MLLT11: variants seen among roughly 807,000 people sequenced by gnomAD.
MLLT11 encodes protein AF1q.
A neutral mutation model predicts 5.3 loss-of-function variants in MLLT11; 1 was observed. That is an observed-to-expected ratio of 0.19 (90% CI 0.07 to 0.89). The LOEUF is 0.89. Among genes scored for constraint, MLLT11 ranks in the 40% least tolerant of loss-of-function variants. The pLI is 0.67. For missense variants in MLLT11, 87 were observed against 107.3 expected (o/e 0.81, Z 0.83); for synonymous variants, 38 against 41.7 (o/e 0.91, Z 0.34).
intron 1 of MLLT11, 87 bp from the exon 2 acceptor site, chr1:151,067,132 C>A: frequency 9.7e-7 from 1 of 1,030,668 alleles, no homozygotes; most frequent in African/African-American, 1.6e-5. Context: ...TCCTTTTTAC[C>A]AGTATGTGGA....
Position 151,068,937 on chromosome 1 carries a change from A to G in MLLT11, c.*1440A>G, listed in dbSNP as rs1676517408. Among the ~76,000 whole-genome samples the G allele has an allele frequency of 6.6e-6, 1 of 152,206 alleles. No individual in the cohort carries two copies. The highest frequency in any genetic ancestry group is 2.1e-4 in the South Asian group (1 of 4,836). Reference sequence around the variant, plus strand: ...AACTTAGAGGAAGAATGATTTGAGTAGCATTTAGACATTAGATGGTGAACT... The same window carrying G: ...AACTTAGAGGAAGAATGATTTGAGTGGCATTTAGACATTAGATGGTGAACT... On this transcript the variant is annotated 3_prime_UTR_variant, in exon 2 of 2. Transcript: ENST00000368921.
Position 151,067,341 on chromosome 1 carries a change from G to A in MLLT11, c.117G>A (p.Lys39=). The A allele has an allele frequency of 6.2e-7, 1 of 1,614,128 alleles. No homozygotes were observed. Among genetic ancestry groups the A allele is most frequent in the Non-Finnish European group, 8.5e-7 (1 of 1,180,028 alleles). ...GTCTGTCAGATACAGCCACCTACAAGGTCAAAGACAGCAGCGTTGGCAAAA... is the reference window on the plus strand; with the variant it reads ...GTCTGTCAGATACAGCCACCTACAAAGTCAAAGACAGCAGCGTTGGCAAAA... The part of the protein sequence containing the change: ...GLGLSDTATY[K]VKDSSVGKMI... The change falls in exon 2 of 2, where the codon AAG becomes AAA. Residue 39 remains lysine (K), a synonymous_variant. Transcript: ENST00000368921.
intron 1 of MLLT11, among the ~76,000 whole-genome samples, chr1:151,062,476 C>G (rs1571855915): frequency 1.3e-5 from 2 of 151,866 alleles, no homozygotes; most frequent in African/African-American, 4.8e-5. Flanking sequence ...GATTCTCCTG[C>G]CTCAGCCTCC....
chr1:151,065,004 T>C (rs1043171899), intron 1 of MLLT11, among the ~76,000 whole-genome samples: 3 of 152,194 alleles, frequency 2.0e-5, no homozygotes, highest in Non-Finnish European at 4.4e-5. Flanking sequence ...GATGTAAAGA[T>C]AGATGAAGTA....
intron 1 of MLLT11, among the ~76,000 whole-genome samples, chr1:151,066,046 C>T (rs1179553365): frequency 6.6e-6 from 1 of 151,842 alleles, no homozygotes; most frequent in East Asian, 1.9e-4. Flanking sequence ...TGCCATGTTG[C>T]CCAGGCAGGT....
rs1351182605 is a variant in MLLT11, at chr1:151,068,826, C to A, written c.*1329C>A. Among the ~76,000 whole-genome samples the A allele has an allele frequency of 1.3e-5, 2 of 152,218 alleles. No homozygotes were observed. The highest frequency in any genetic ancestry group is 2.4e-5 in the African/African-American group (1 of 41,462). ...TCTCTAACTCCTGACCTCAGGTGATCTGCCCGCCTTAGCCTCTCAAAGTGC... is the reference window on the plus strand; with the variant it reads ...TCTCTAACTCCTGACCTCAGGTGATATGCCCGCCTTAGCCTCTCAAAGTGC... On this transcript the variant is annotated 3_prime_UTR_variant, in exon 2 of 2. Transcript: ENST00000368921.
chr1:151,063,773 T>C (rs2102980173), intron 1 of MLLT11, among the ~76,000 whole-genome samples: 1 of 152,304 alleles, frequency 6.6e-6, no homozygotes. Context: ...GGGTGGAGGC[T>C]GTAGGCAGCT....
rs749206512 is a variant in MLLT11 at position 151,067,241 on chromosome 1, G to T, written c.17G>T (p.Ser6Ile). 1 of 1,613,878 alleles carries T rather than the reference G, an allele frequency of 6.2e-7. No individual in the cohort carries two copies. The highest frequency in any genetic ancestry group is 1.7e-5 in the Admixed American group (1 of 59,954). Residue 6 changes from serine (S) to isoleucine (I), a missense_variant, in exon 2 of 2, where the codon AGT becomes ATT. By Grantham distance (142) the Ser-to-Ile change is moderately radical (BLOSUM62 -2). Transcript: ENST00000368921. The stretch of plus-strand genomic sequence containing the variant: ...TAGGAAGCTATGAGGGACCCTGTGA[G>T]TAGCCAGTACAGTTCCTTTCTTTTC... MRDPV[S>I]SQYSSFLFWR...
intron 1 of MLLT11, 108 bp from the exon 2 acceptor site, chr1:151,067,111 A>C: frequency 1.1e-6 from 1 of 949,922 alleles, no homozygotes; most frequent in South Asian, 2.0e-5. Context: ...AAAAAAAAAA[A>C]AAAAAGAAAT....
intron 1 of MLLT11, among the ~76,000 whole-genome samples, chr1:151,062,140 A>C (rs965913384): frequency 2.6e-5 from 4 of 152,016 alleles, no homozygotes; most frequent in African/African-American, 9.7e-5. Context: ...TAAACCACGG[A>C]AAATCTATTC....
rs1436357183 is a variant in MLLT11 at position 151,067,999 on chromosome 1, C to T, written c.*502C>T. 2 of 243,874 alleles carry T rather than the reference C, an allele frequency of 8.2e-6. No individual in the cohort carries two copies. The highest frequency in any genetic ancestry group is 2.2e-5 in the African/African-American group (1 of 45,060). 15.1% of individuals were successfully genotyped at this position (243,874 alleles called of 1,614,324 possible). On this transcript the variant is annotated 3_prime_UTR_variant, in exon 2 of 2. Transcript: ENST00000368921. Reference sequence around the variant, plus strand: ...AAAGGCTAAAGTGATAAGTCTCTTGCTTTTTTTTGATCCTGCTCTTATATT... The same window carrying T: ...AAAGGCTAAAGTGATAAGTCTCTTGTTTTTTTTTGATCCTGCTCTTATATT...
chr1:151,061,341 G>A lies in MLLT11; in HGVS notation c.-7+788G>A, dbSNP rs1676404416. 1.3e-5 allele frequency among the ~76,000 whole-genome samples: 2 copies of A among 152,168 alleles called. 1 individual carries two copies. Among genetic ancestry groups the A allele is most frequent in the Admixed American group, 1.3e-4 (2 of 15,268 alleles). Reference sequence around the variant, plus strand: ...CATGGTGGCAGCATGACACAGCAAGGCCCTGTTGAGTAGGCCTTGGATGCC... The same window carrying A: ...CATGGTGGCAGCATGACACAGCAAGACCCTGTTGAGTAGGCCTTGGATGCC... On this transcript the variant is annotated intron_variant, in intron 1 of 1. Coordinates refer to ENST00000368921, the MANE Select transcript of MLLT11 (RefSeq NM_006818.4).
At chr1:151,061,964 G>C (rs941122720) in intron 1 of MLLT11, among the ~76,000 whole-genome samples, 5 of 151,982 alleles carry the variant, frequency 3.3e-5, no homozygotes, top group Non-Finnish European at 7.4e-5. Flanking sequence ...TTGCAAGATA[G>C]CTCTACCAAA....
In MLLT11 at chr1:151,067,755, A is replaced by G. The variant is rs1253304951; in HGVS notation, c.*258A>G. 1.9e-6 allele frequency: 1 copy of G among 525,248 alleles called. No individual in the cohort carries two copies. The highest frequency in any genetic ancestry group is 1.9e-5 in the African/African-American group (1 of 52,552). 32.5% of individuals were successfully genotyped at this position (525,248 alleles called of 1,614,324 possible). A position where few individuals can be genotyped will look rare whatever the true frequency, so the allele number is the denominator to read the frequency against. On this transcript the variant is annotated 3_prime_UTR_variant, in exon 2 of 2. Coordinates refer to ENST00000368921, the MANE Select transcript of MLLT11 (RefSeq NM_006818.4). ...GGGATTCCTCCTTTCCCCCCCAAAT[A>G]TTAACTCCAGAAACTAGGCCTGACT...
At chr1:151,064,046 A>C (rs915187417) in intron 1 of MLLT11, among the ~76,000 whole-genome samples, 10 of 151,082 alleles carry the variant, frequency 6.6e-5, no homozygotes, top group African/African-American at 1.9e-4. Flanking sequence ...TTTGAGATGG[A>C]GTTTCGCTCT....
intron 1 of MLLT11, among the ~76,000 whole-genome samples, chr1:151,065,779 T>C (rs1027343322): frequency 2.9e-4 from 44 of 152,298 alleles, no homozygotes; most frequent in African/African-American, 1.0e-3. Context: ...TTAAGTATAA[T>C]AGGAGTTTGG....
chr1:151,069,386 C>T lies in MLLT11; in HGVS notation c.*1889C>T, dbSNP rs1676536041. Among the ~76,000 whole-genome samples, 1 of 152,176 alleles carries T rather than the reference C, an allele frequency of 6.6e-6. No homozygotes were observed. Among genetic ancestry groups the T allele is most frequent in the Non-Finnish European group, 1.5e-5 (1 of 68,028 alleles). ...GCCATGAAAAGCCCACATCTAAAGA[C>T]GGTCCCAGTCTAACGAAGAATGGGG... On this transcript the variant is annotated 3_prime_UTR_variant, in exon 2 of 2. Coordinates refer to ENST00000368921, the MANE Select transcript of MLLT11 (RefSeq NM_006818.4).
chr1:151,063,856 G>C (rs587728030), intron 1 of MLLT11, among the ~76,000 whole-genome samples: 1 of 152,266 alleles, frequency 6.6e-6, no homozygotes, highest in African/African-American at 2.4e-5. Flanking sequence ...TTAACGCATG[G>C]AAGAGTATCT....
intron 1 of MLLT11, among the ~76,000 whole-genome samples, chr1:151,065,811 C>G (rs1422502189): frequency 6.6e-6 from 1 of 152,098 alleles, no homozygotes; most frequent in Non-Finnish European, 1.5e-5. Context: ...GGGGGTTCCT[C>G]TATAGACTTG....
Sources: allele counts gnomAD v4.1 joint callset (sites outside exome capture counted in the v4.1 genomes callset), GRCh38; gene constraint gnomAD v4.1.1; transcripts MANE v1.5; gene names NCBI Gene and HGNC (gene_info 2026-07-23, HGNC 2026-07-21).